Variants in GFRAL observed in about 807,000 individuals in gnomAD.
GFRAL encodes GDNF family receptor alpha-like.
In GFRAL, 36 loss-of-function variants were observed where a neutral mutation model predicts 45.4. The observed-to-expected ratio is 0.79, with a 90% CI of 0.61 to 1.05. The LOEUF (loss-of-function observed/expected upper bound fraction) is 1.05, where lower values mean the gene tolerates loss of function less well. Ranked by LOEUF, GFRAL falls within the 50% of genes least tolerant of loss-of-function variation. GFRAL has a pLI of 0.00. For synonymous variants in GFRAL, 166 were observed against 154.1 expected (o/e 1.08, Z -0.57); for missense variants, 507 against 467.5 (o/e 1.08, Z -0.78).
chr6:55,390,786 G>T (rs1017351644), intron 6 of GFRAL, among the ~76,000 whole-genome samples: 2 of 151,998 alleles, frequency 1.3e-5, no homozygotes, highest in African/African-American at 4.8e-5. Flanking sequence ...TACTCAGGAG[G>T]CTGAGGCAGG....
rs777799605 is a variant in GFRAL, at chr6:55,371,427, C to G, written c.952+12289C>G. Among the ~76,000 whole-genome samples the G allele has an allele frequency of 8.4e-4, 128 of 151,976 alleles. 1 individual carries two copies. The highest frequency in any genetic ancestry group is 9.2e-4 in the Admixed American group (14 of 15,250). The stretch of plus-strand genomic sequence containing the variant: ...TTGTTTCTTTTGTTCAATGCTCATG[C>G]TTTTTTTTAATCCTCCCCACCACTT... On this transcript the variant is annotated intron_variant, in intron 6 of 8. Coordinates refer to ENST00000340465, the MANE Select transcript of GFRAL (RefSeq NM_207410.2).
At chr6:55,342,183 G>C (rs1767975669) in intron 3 of GFRAL, among the ~76,000 whole-genome samples, 1 of 152,126 alleles carries the variant, frequency 6.6e-6, no homozygotes, top group African/African-American at 2.4e-5. Context: ...ATGCCACAAA[G>C]ATATTCCTTG....
chr6:55,359,090 T>A lies in GFRAL; in HGVS notation c.904T>A (p.Ser302Thr), dbSNP rs765492674. The A allele has an allele frequency of 1.9e-5, 31 of 1,612,336 alleles. No individual in the cohort carries two copies. Among genetic ancestry groups the A allele is most frequent in the Non-Finnish European group, 2.5e-5 (30 of 1,178,824 alleles). ...TAGGACCATTACACAAAGTGAGGAA[T>A]CTTTGTGTAAGATTTTCCAGCACAT... ...TCRTITQSEE[S>T]LCKIFQHMLH... is the part of the protein sequence containing the mutation. Residue 302 changes from serine to threonine, a missense_variant, in exon 6 of 9, where the codon TCT becomes ACT. Ser to Thr is a moderately conservative substitution (Grantham distance 58, BLOSUM62 1). Coordinates refer to ENST00000340465, the MANE Select transcript of GFRAL (RefSeq NM_207410.2).
chr6:55,358,380 C>T (rs1768223928), intron 5 of GFRAL, among the ~76,000 whole-genome samples: 2 of 151,780 alleles, frequency 1.3e-5, no homozygotes, highest in Non-Finnish European at 2.9e-5. Context: ...CAAATACATA[C>T]AGAAATTTTA....
chr6:55,377,605 G>T (rs1232627504), intron 6 of GFRAL, among the ~76,000 whole-genome samples: 3 of 151,978 alleles, frequency 2.0e-5, no homozygotes, highest in African/African-American at 7.2e-5. Flanking sequence ...CTACTTATCT[G>T]TGGGGAGGCT....
At chr6:55,340,282 T>C (rs1486209488) in intron 3 of GFRAL, among the ~76,000 whole-genome samples, 1 of 152,198 alleles carries the variant, frequency 6.6e-6, no homozygotes, top group Non-Finnish European at 1.5e-5. Context: ...ATTCCCAAAA[T>C]ATTCTCCAGA....
intron 6 of GFRAL, among the ~76,000 whole-genome samples, chr6:55,365,122 T>C (rs12177613): frequency 0.18 from 27,297 of 149,486 alleles, 2,855 homozygotes; most frequent in African/African-American, 0.29. Context: ...CCTTGAGGAG[T>C]GGTTTGTAGT....
In GFRAL at chr6:55,330,845, T is replaced by A. The variant is rs1420492199; in HGVS notation, c.23-870T>A. 2.6e-5 allele frequency among the ~76,000 whole-genome samples: 4 copies of A among 152,266 alleles called. No homozygotes were observed. In the East Asian group the frequency reaches 7.7e-4, roughly 29 times the overall value. ...AACTGGAGGCAGACTGACTAATAAG[T>A]TAAACAAATGCTCAAAGTGAAAGTC... On this transcript the variant is annotated intron_variant, in intron 1 of 8. Transcript: ENST00000340465.
chr6:55,402,280 A>C lies in GFRAL; in HGVS notation c.*427A>C, dbSNP rs1180618644. 6.5e-6 allele frequency: 1 copy of C among 153,518 alleles called. No individual in the cohort carries two copies. The highest frequency in any genetic ancestry group is 1.4e-5 in the Non-Finnish European group (1 of 69,242). 9.5% of individuals were successfully genotyped at this position (153,518 alleles called of 1,614,324 possible). On this transcript the variant is annotated 3_prime_UTR_variant, in exon 9 of 9. Coordinates refer to ENST00000340465, the MANE Select transcript of GFRAL (RefSeq NM_207410.2). Reference sequence around the variant, plus strand: ...CAGGCGTGAGCAACCACGTCAAGACAACAATCACTTTCTTTAAAGCAAATC... The same window carrying C: ...CAGGCGTGAGCAACCACGTCAAGACCACAATCACTTTCTTTAAAGCAAATC...
chr6:55,370,353 T>C (rs1035926266), intron 6 of GFRAL, among the ~76,000 whole-genome samples: 2 of 152,162 alleles, frequency 1.3e-5, no homozygotes, highest in Non-Finnish European at 2.9e-5. Context: ...ATATATTGTT[T>C]AGTTTTTCAT....
In GFRAL at chr6:55,401,783, T is replaced by C. The variant is rs1768900699; in HGVS notation, c.1122-7T>C. The C allele has an allele frequency of 6.9e-7, 1 of 1,449,146 alleles. No individual in the cohort carries two copies. 89.8% of individuals were successfully genotyped at this position (1,449,146 alleles called of 1,614,324 possible). A position where few individuals can be genotyped will look rare whatever the true frequency, so the allele number is the denominator to read the frequency against. Reference sequence around the variant, plus strand: ...ATGTTGTTAACTTTTACTTTTATTTTATACAGAACTTCCAGAATATCAAGT... The same window carrying C: ...ATGTTGTTAACTTTTACTTTTATTTCATACAGAACTTCCAGAATATCAAGT... On this transcript the variant is annotated splice_polypyrimidine_tract_variant and splice_region_variant and intron_variant, in intron 8 of 8. Transcript: ENST00000340465.
intron 3 of GFRAL, among the ~76,000 whole-genome samples, chr6:55,342,059 G>T (rs1020327983): frequency 2.6e-5 from 4 of 152,210 alleles, no homozygotes; most frequent in African/African-American, 9.6e-5. Context: ...TGGTGTACCT[G>T]AAAGTGATGG....
chr6:55,348,938 A>G (rs1768080715), intron 3 of GFRAL, among the ~76,000 whole-genome samples: 2 of 152,138 alleles, frequency 1.3e-5, no homozygotes, highest in South Asian at 4.1e-4. Context: ...AAGAATGTCC[A>G]GCCTAGACTT....
At chr6:55,343,647 A>T (rs1767999702) in intron 3 of GFRAL, among the ~76,000 whole-genome samples, 1 of 152,198 alleles carries the variant, frequency 6.6e-6, no homozygotes, top group East Asian at 1.9e-4. Flanking sequence ...CACATTCAAA[A>T]GCTAGCAGAA....
chr6:55,376,897 G>A (rs1368290003), intron 6 of GFRAL, among the ~76,000 whole-genome samples: 3 of 151,630 alleles, frequency 2.0e-5, no homozygotes, highest in Non-Finnish European at 2.9e-5. Flanking sequence ...TTTGCTCTTG[G>A]ATATTTTTCA....
chr6:55,342,999 C>A (rs1332571027), intron 3 of GFRAL, among the ~76,000 whole-genome samples: 2 of 152,046 alleles, frequency 1.3e-5, no homozygotes, highest in African/African-American at 2.4e-5. Context: ...TATATGCACC[C>A]AATACAGGAG....
Position 55,400,270 on chromosome 6 carries a change from T to C in GFRAL, c.1121+829T>C, listed in dbSNP as rs539388457. On this transcript the variant is annotated intron_variant, in intron 8 of 8. Transcript: ENST00000340465. ...GTTAATGAAGAAATATACATAAGTG[T>C]GTATACAGCCATATATACATGTAAG... 3.3e-5 allele frequency among the ~76,000 whole-genome samples: 5 copies of C among 152,282 alleles called. No homozygotes were observed. The South Asian group carries it at 1.0e-3, about 32-fold the overall frequency.
rs150135971 is a variant in GFRAL at position 55,338,384 on chromosome 6, C to T, written c.316+4440C>T. Among the ~76,000 whole-genome samples the T allele has an allele frequency of 3.3e-3, 496 of 152,178 alleles. 7 individuals carry two copies. Among genetic ancestry groups the T allele is most frequent in the African/African-American group, 0.011 (473 of 41,514 alleles). ...GGATAACAGGCATGAGCCACCATGC[C>T]GAGCCAGAAGGTTATTTAATTTCCT... On this transcript the variant is annotated intron_variant, in intron 3 of 8. Transcript: ENST00000340465.
intron 6 of GFRAL, among the ~76,000 whole-genome samples, chr6:55,384,865 A>C (rs1768659240): frequency 7.6e-6 from 1 of 131,080 alleles, no homozygotes; most frequent in Admixed American, 7.6e-5. Context: ...AAAAGCAGCA[A>C]AAAAAAAAAA....
Sources: gnomAD v4.1 joint callset for allele counts (sites outside exome capture counted in the v4.1 genomes callset) on GRCh38, gnomAD v4.1.1 for gene constraint, MANE v1.5 for transcripts, NCBI Gene and HGNC (gene_info 2026-07-23, HGNC 2026-07-21) for gene names.